Variants in RPRD2 observed in about 807,000 individuals in gnomAD.
The protein encoded by RPRD2 is regulation of nuclear pre-mRNA domain-containing protein 2.
In RPRD2, 12 loss-of-function variants were observed where a neutral mutation model predicts 104.4. The ratio of observed to expected loss-of-function variants is 0.11; its 90% CI spans 0.07 to 0.19. The LOEUF is 0.19. Among genes scored for constraint, RPRD2 ranks in the 10% least tolerant of loss-of-function variants. The pLI is 1.00. For synonymous variants in RPRD2, 714 were observed against 684.9 expected, an observed-to-expected ratio of 1.04 and a Z score of -0.66; for missense variants, 1,543 against 1,790.1, an observed-to-expected ratio of 0.86 and a Z score of 2.49.
intron 10 of RPRD2, among the ~76,000 whole-genome samples, chr1:150,468,697 T>C (rs1291575756): frequency 6.6e-6 from 1 of 152,142 alleles, no homozygotes; most frequent in East Asian, 1.9e-4. Flanking sequence ...CGCAACATGG[T>C]GAGACCTTGT....
intron 2 of RPRD2, among the ~76,000 whole-genome samples, chr1:150,432,432 T>C (rs1665668600): frequency 6.6e-6 from 1 of 151,986 alleles, no homozygotes; most frequent in Non-Finnish European, 1.5e-5. Context: ...TGTTGAAACC[T>C]AGTCCTTAAT....
At chr1:150,372,469 G>A (rs1391469275) in intron 1 of RPRD2, among the ~76,000 whole-genome samples, 4 of 145,218 alleles carry the variant, frequency 2.8e-5, no homozygotes, top group Non-Finnish European at 4.6e-5. Flanking sequence ...AACAGAGTGA[G>A]ACTCCGTCTG....
intron 10 of RPRD2, among the ~76,000 whole-genome samples, chr1:150,467,757 T>C (rs1668373055): frequency 6.6e-6 from 1 of 152,158 alleles, no homozygotes. Flanking sequence ...TTTAAAAGGA[T>C]TGTATCTAGC....
At chr1:150,457,773 A>T (rs1667639415) in intron 8 of RPRD2, among the ~76,000 whole-genome samples, 2 of 152,180 alleles carry the variant, frequency 1.3e-5, no homozygotes, top group Non-Finnish European at 2.9e-5. Context: ...CTGCACTGTT[A>T]AAATGCTAGC....
chr1:150,430,129 A>G (rs1665450731), intron 2 of RPRD2, among the ~76,000 whole-genome samples: 1 of 152,226 alleles, frequency 6.6e-6, no homozygotes, highest in African/African-American at 2.4e-5. Context: ...ACAGACCACC[A>G]CAATTGACAA....
chr1:150,372,349 GC>G (rs1660375010), intron 1 of RPRD2, among the ~76,000 whole-genome samples: 1 of 152,124 alleles, frequency 6.6e-6, no homozygotes, highest in Admixed American at 6.6e-5. Context: ...ATTTAGCCGG[GC>G]TTGGTGGTGC....
At chr1:150,406,714 A>C (rs1253810394) in intron 1 of RPRD2, among the ~76,000 whole-genome samples, 1 of 151,772 alleles carries the variant, frequency 6.6e-6, no homozygotes, top group Non-Finnish European at 1.5e-5. Flanking sequence ...CTTACAAGTA[A>C]ATTCTTTTTT....
At chr1:150,433,415 T>TAC (rs59986598) in intron 2 of RPRD2, among the ~76,000 whole-genome samples, 38,427 of 136,724 alleles carry the variant, frequency 0.28, 5,991 homozygotes, top group Non-Finnish European at 0.36. Flanking sequence ...ATACTATATA[T>TAC]ACACACACAC....
intron 7 of RPRD2, among the ~76,000 whole-genome samples, chr1:150,456,203 G>A (rs1274616050): frequency 6.6e-6 from 1 of 150,688 alleles, no homozygotes; most frequent in African/African-American, 2.4e-5. Context: ...TTTTTTTCTT[G>A]TCTGTCTCAT....
Position 150,364,748 on chromosome 1 carries a change from G to T in RPRD2, c.34G>T (p.Ala12Ser), listed in dbSNP as rs1391818955. The T allele has an allele frequency of 1.4e-5, 23 of 1,595,044 alleles. No individual in the cohort carries two copies. In the African/African-American group the frequency reaches 2.4e-4, roughly 17 times the overall value. The change falls in exon 1 of 11, where the codon GCC becomes TCC. Residue 12 changes from alanine (A) to serine (S), a missense_variant. Ala to Ser is a moderately conservative substitution (Grantham distance 99, BLOSUM62 1). Transcript: ENST00000369068. ...AAGGGGGSSK[A>S]SSSSASSAGA... is the part of the protein sequence containing the mutation. Reference sequence around the variant, plus strand: ...CGGCGGCGGCGGAGGCAGCAGTAAGGCCTCCTCCTCGTCGGCCTCTTCGGC... The same window carrying T: ...CGGCGGCGGCGGAGGCAGCAGTAAGTCCTCCTCCTCGTCGGCCTCTTCGGC...
intron 2 of RPRD2, among the ~76,000 whole-genome samples, chr1:150,419,769 A>G (rs1194691259): frequency 6.6e-6 from 1 of 152,212 alleles, no homozygotes; most frequent in Non-Finnish European, 1.5e-5. Flanking sequence ...AGCCAGGATT[A>G]CAGGCATGCG....
At chr1:150,456,308 T>C (rs1667520269) in intron 7 of RPRD2, among the ~76,000 whole-genome samples, 1 of 152,160 alleles carries the variant, frequency 6.6e-6, no homozygotes, top group African/African-American at 2.4e-5. Flanking sequence ...GAATATAAAT[T>C]ACAGATAACT....
At chr1:150,427,470 C>G (rs1273621438) in intron 2 of RPRD2, among the ~76,000 whole-genome samples, 1 of 133,500 alleles carries the variant, frequency 7.5e-6, no homozygotes, top group Non-Finnish European at 1.6e-5. Context: ...GAGACTCTAT[C>G]TCAAAAAAAA....
intron 2 of RPRD2, among the ~76,000 whole-genome samples, chr1:150,432,474 G>T (rs1175532013): frequency 6.6e-6 from 1 of 152,012 alleles, no homozygotes; most frequent in Non-Finnish European, 1.5e-5. Context: ...GCCTTTGGGA[G>T]GTGATGAGGT....
At chr1:150,448,722 C>G (rs1206128051) in intron 7 of RPRD2, among the ~76,000 whole-genome samples, 1 of 152,168 alleles carries the variant, frequency 6.6e-6, no homozygotes, top group Non-Finnish European at 1.5e-5. Context: ...CTCCATCACA[C>G]CAGCTATTCT....
chr1:150,420,841 G>C (rs956460124), intron 2 of RPRD2, among the ~76,000 whole-genome samples: 1 of 151,970 alleles, frequency 6.6e-6, no homozygotes, highest in Non-Finnish European at 1.5e-5. Context: ...AAAGAAAAAA[G>C]GAATGAATTA....
intron 1 of RPRD2, among the ~76,000 whole-genome samples, chr1:150,381,504 A>AT (rs35623676): frequency 0.33 from 46,119 of 138,436 alleles, 8,097 homozygotes; most frequent in Non-Finnish European, 0.41. Context: ...ATAGGACACA[A>AT]TTTTTTTTTT....
intron 2 of RPRD2, among the ~76,000 whole-genome samples, chr1:150,420,947 G>A (rs976892396): frequency 2.6e-5 from 4 of 152,288 alleles, no homozygotes; most frequent in Non-Finnish European, 5.9e-5. Context: ...GTAAAGGGTC[G>A]ATAGTTAAGT....
chr1:150,445,850 C>T (rs1338020002), intron 6 of RPRD2, among the ~76,000 whole-genome samples: 5 of 152,034 alleles, frequency 3.3e-5, no homozygotes, highest in Non-Finnish European at 5.9e-5. Context: ...AGGCGGATCA[C>T]GAGGTCAGGA....
Sources: gnomAD v4.1 joint callset for allele counts (sites outside exome capture counted in the v4.1 genomes callset) on GRCh38, gnomAD v4.1.1 for gene constraint, MANE v1.5 for transcripts, NCBI Gene and HGNC (gene_info 2026-07-23, HGNC 2026-07-21) for gene names.